RALYL: variants seen among roughly 807,000 people sequenced by gnomAD.
RALYL encodes the protein RNA-binding Raly-like protein.
A neutral mutation model predicts 35.1 loss-of-function variants in RALYL; 29 were observed. The ratio of observed to expected loss-of-function variants is 0.83; its 90% CI spans 0.61 to 1.13. RALYL has a LOEUF of 1.13. Among genes scored for constraint, RALYL ranks in the 50% most tolerant of loss-of-function variants. The probability of loss-of-function intolerance (pLI) is 0.00; values close to 1 mark genes in which losing one functional copy is unlikely to be tolerated. For missense variants in RALYL, 359 were observed against 360.4 expected, an observed-to-expected ratio of 1.00 and a Z score of 0.03; for synonymous variants, 120 against 127.6, an observed-to-expected ratio of 0.94 and a Z score of 0.40.
chr8:84,578,430 C>G (rs1428531971), intron 2 of RALYL, among the ~76,000 whole-genome samples: 1 of 152,340 alleles, frequency 6.6e-6, no homozygotes, highest in East Asian at 1.9e-4. Flanking sequence ...TGCAATGTGG[C>G]AAGTCAGGGG....
intron 2 of RALYL, among the ~76,000 whole-genome samples, chr8:84,665,591 C>T (rs571872817): frequency 3.3e-5 from 5 of 152,124 alleles, no homozygotes; most frequent in Non-Finnish European, 4.4e-5. Flanking sequence ...AGTTTATGTG[C>T]ATAGAGGTGT....
chr8:84,666,759 A>G (rs567641422), intron 2 of RALYL, among the ~76,000 whole-genome samples: 1 of 152,078 alleles, frequency 6.6e-6, no homozygotes, highest in Admixed American at 6.6e-5. Context: ...CTCTTGCTTC[A>G]TACTCCCAGA....
chr8:84,582,938 CTG>C (rs143067725), intron 2 of RALYL, among the ~76,000 whole-genome samples: 2,022 of 152,102 alleles, frequency 0.013, 47 homozygotes, highest in African/African-American at 0.046. Context: ...GTTTGGGATG[CTG>C]TGAGATACTG....
intron 1 of RALYL, among the ~76,000 whole-genome samples, chr8:84,346,319 T>A (rs73294924): frequency 2.6e-5 from 4 of 152,090 alleles, no homozygotes; most frequent in Non-Finnish European, 4.4e-5. Flanking sequence ...GTCTTTAAAG[T>A]AATTTATTAC....
intron 8 of RALYL, among the ~76,000 whole-genome samples, chr8:84,908,276 T>C (rs1308549900): frequency 6.6e-6 from 1 of 152,160 alleles, no homozygotes; most frequent in East Asian, 1.9e-4. Flanking sequence ...TTAACTATAG[T>C]CACCATACTG....
intron 2 of RALYL, among the ~76,000 whole-genome samples, chr8:84,590,711 T>C (rs1813047407): frequency 6.6e-6 from 1 of 152,128 alleles, no homozygotes; most frequent in Admixed American, 6.6e-5. Flanking sequence ...ATGGGGTGAG[T>C]TTTCTTCCTG....
At chr8:84,652,966 T>C (rs1271305786) in intron 2 of RALYL, among the ~76,000 whole-genome samples, 1 of 152,070 alleles carries the variant, frequency 6.6e-6, no homozygotes, top group Non-Finnish European at 1.5e-5. Flanking sequence ...CTTTAAATGC[T>C]TAAAGAAAAA....
chr8:84,625,589 A>G (rs1041558743), intron 2 of RALYL, among the ~76,000 whole-genome samples: 2 of 152,188 alleles, frequency 1.3e-5, no homozygotes, highest in Non-Finnish European at 2.9e-5. Flanking sequence ...TTTAACCTTC[A>G]TAGAGATCCC....
intron 1 of RALYL, among the ~76,000 whole-genome samples, chr8:84,450,633 CT>C (rs964220760): frequency 2.6e-5 from 4 of 151,752 alleles, no homozygotes; most frequent in Non-Finnish European, 4.4e-5. Flanking sequence ...TGTTAAATTG[CT>C]TTTTTGAAGA....
rs542613645 is a variant in RALYL at position 84,183,991 on chromosome 8, C to T, written c.-457C>T. 6.6e-6 allele frequency: 1 copy of T among 152,238 alleles called. No homozygotes were observed. The highest frequency in any genetic ancestry group is 1.9e-4 in the East Asian group (1 of 5,170). The allele number at this position is 152,238 out of a possible 1,614,324, so 9.4% of individuals were successfully genotyped here. A position where few individuals can be genotyped will look rare whatever the true frequency, so the allele number is the denominator to read the frequency against. ...AGGTGGGATTTTACGGCAGTGTTTA[C>T]AAGTTTGTGGTCTTGCAATACTGGT... On this transcript the variant is annotated 5_prime_UTR_variant, in exon 1 of 9. Coordinates refer to ENST00000521268, the MANE Select transcript of RALYL (RefSeq NM_173848.7).
At chr8:84,833,520 C>A (rs1299627967) in intron 4 of RALYL, among the ~76,000 whole-genome samples, 2 of 151,738 alleles carry the variant, frequency 1.3e-5, no homozygotes, top group African/African-American at 2.4e-5. Flanking sequence ...CACCTGTAGT[C>A]CCAGCTACTC....
intron 8 of RALYL, among the ~76,000 whole-genome samples, chr8:84,900,830 A>G (rs1427068): frequency 0.46 from 70,317 of 152,140 alleles, 19,214 homozygotes; most frequent in African/African-American, 0.75. Flanking sequence ...AAGTTAAAAA[A>G]GCAAGGAAGA....
At chr8:84,519,663 T>G (rs1215895040) in intron 1 of RALYL, among the ~76,000 whole-genome samples, 1 of 152,212 alleles carries the variant, frequency 6.6e-6, no homozygotes, top group African/African-American at 2.4e-5. Context: ...TTGAGATAGT[T>G]TTAATGGCTT....
At chr8:84,467,254 T>C (rs2051835129) in intron 1 of RALYL, among the ~76,000 whole-genome samples, 1 of 152,102 alleles carries the variant, frequency 6.6e-6, no homozygotes, top group Non-Finnish European at 1.5e-5. Context: ...GTTTTGGATC[T>C]TTCCTGCTTT....
rs138883320 is a variant in RALYL at position 84,538,237 on chromosome 8, G to A, written c.256+8660G>A. Among the ~76,000 whole-genome samples, 98 of 152,254 alleles carry A rather than the reference G, an allele frequency of 6.4e-4. No individual in the cohort carries two copies. In the East Asian group the frequency reaches 7.7e-3, roughly 12 times the overall value. On this transcript the variant is annotated intron_variant, in intron 2 of 8. Transcript: ENST00000521268. ...ACTCAATCACTGAACCTAAATTAGC[G>A]AAAGCAGTGGTAGAGACTGTAAATA... is the stretch of plus-strand genomic sequence containing the variant.
At chr8:84,450,468 T>C (rs1356600465) in intron 1 of RALYL, among the ~76,000 whole-genome samples, 1 of 151,972 alleles carries the variant, frequency 6.6e-6, no homozygotes, top group Non-Finnish European at 1.5e-5. Context: ...GTACTCATTA[T>C]GTCTGATTGC....
At chr8:84,682,218 G>T (rs1413615497) in intron 2 of RALYL, among the ~76,000 whole-genome samples, 1 of 152,164 alleles carries the variant, frequency 6.6e-6, no homozygotes, top group Non-Finnish European at 1.5e-5. Flanking sequence ...TAAGCTTTTT[G>T]ATGTGCTGCT....
At chr8:84,206,311 A>C (rs1818035543) in intron 1 of RALYL, among the ~76,000 whole-genome samples, 1 of 152,122 alleles carries the variant, frequency 6.6e-6, no homozygotes, top group African/African-American at 2.4e-5. Flanking sequence ...GGTGATCTGG[A>C]GGTAACTTCA....
chr8:84,716,519 G>T (rs887989681), intron 2 of RALYL, among the ~76,000 whole-genome samples: 1 of 152,052 alleles, frequency 6.6e-6, no homozygotes, highest in Non-Finnish European at 1.5e-5. Flanking sequence ...TTGTATAAGT[G>T]GTCGTAAAAT....
Sources: allele counts gnomAD v4.1 joint callset (sites outside exome capture counted in the v4.1 genomes callset), GRCh38; gene constraint gnomAD v4.1.1; transcripts MANE v1.5; gene names NCBI Gene and HGNC (gene_info 2026-07-23, HGNC 2026-07-21).